The following ERBB4 variants were observed in gnomAD, a reference collection of about 807,000 sequenced individuals.
ERBB4 encodes the protein erb-b2 receptor tyrosine kinase 4.
A neutral mutation model predicts 158.0 loss-of-function variants in ERBB4; 42 were observed. The ratio of observed to expected loss-of-function variants is 0.27; its 90% CI spans 0.21 to 0.34. The LOEUF is 0.34. Among genes scored for constraint, ERBB4 ranks in the 10% least tolerant of loss-of-function variants. ERBB4 has a pLI of 1.00. For missense variants in ERBB4, 1,333 were observed against 1,624.1 expected, an observed-to-expected ratio of 0.82 and a Z score of 3.08; for synonymous variants, 583 against 558.7, an observed-to-expected ratio of 1.04 and a Z score of -0.61.
intron 20 of ERBB4, among the ~76,000 whole-genome samples, chr2:211,466,338 T>C (rs1482969021): frequency 2.2e-4 from 31 of 139,656 alleles, no homozygotes; most frequent in African/African-American, 8.6e-4. Flanking sequence ...TGTAGTTTTT[T>C]TTTTTTTTTT....
chr2:212,183,141 T>C (rs1370057039), intron 1 of ERBB4, among the ~76,000 whole-genome samples: 1 of 151,864 alleles, frequency 6.6e-6, no homozygotes, highest in Non-Finnish European at 1.5e-5. Context: ...AATAAATGTA[T>C]GTATATAATC....
chr2:211,768,703 A>C (rs1230887582), intron 4 of ERBB4, among the ~76,000 whole-genome samples: 3 of 152,140 alleles, frequency 2.0e-5, no homozygotes. Context: ...CAGGGCAGCA[A>C]GTCCTGAGAT....
chr2:212,015,134 C>G (rs1218006686), intron 2 of ERBB4, among the ~76,000 whole-genome samples: 7 of 131,874 alleles, frequency 5.3e-5, no homozygotes, highest in East Asian at 2.1e-4. Context: ...GGCATGGTGG[C>G]GGGTGCCTGT....
At chr2:212,168,918 G>A (rs1048593722) in intron 1 of ERBB4, among the ~76,000 whole-genome samples, 4 of 151,990 alleles carry the variant, frequency 2.6e-5, no homozygotes, top group Non-Finnish European at 5.9e-5. Context: ...TCAAATAGAA[G>A]TACCTAAAGA....
intron 2 of ERBB4, among the ~76,000 whole-genome samples, chr2:212,042,304 T>G (rs369332544): frequency 1.3e-5 from 2 of 152,122 alleles, no homozygotes; most frequent in African/African-American, 4.8e-5. Flanking sequence ...CTTTTTTGTT[T>G]TAAAGATTAA....
intron 1 of ERBB4, among the ~76,000 whole-genome samples, chr2:212,291,757 C>T (rs994244725): frequency 6.6e-6 from 1 of 152,012 alleles, no homozygotes; most frequent in African/African-American, 2.4e-5. Flanking sequence ...AAATTGAATA[C>T]TTAGCCAGAG....
Position 211,906,081 on chromosome 2 carries a change from G to T in ERBB4, c.421+41349C>A, listed in dbSNP as rs141772402. ...CCAGAGAGAGATACATTCGAGAAGT[G>T]TCACAATCTGAAAAGCAGCATATGG... On this transcript the variant is annotated intron_variant, in intron 3 of 27. Transcript: ENST00000342788. Among the ~76,000 whole-genome samples the T allele has an allele frequency of 8.2e-4, 124 of 152,136 alleles. 1 individual carries two copies. Among genetic ancestry groups the T allele is most frequent in the African/African-American group, 2.8e-3 (118 of 41,534 alleles).
At chr2:211,593,526 C>A (rs1360036190) in intron 19 of ERBB4, among the ~76,000 whole-genome samples, 1 of 152,178 alleles carries the variant, frequency 6.6e-6, no homozygotes, top group African/African-American at 2.4e-5. Flanking sequence ...TCCAGTATTT[C>A]TTAAGCTTTT....
Position 212,320,873 on chromosome 2 carries a change from A to ATAT in ERBB4, c.83-195973_83-195971dup, listed in dbSNP as rs559530113. Among the ~76,000 whole-genome samples, 846 of 150,378 alleles carry ATAT rather than the reference A, an allele frequency of 5.6e-3. 13 individuals carry two copies. The highest frequency in any genetic ancestry group is 0.018 in the African/African-American group (724 of 41,350). ...GAAAATTGTAAAGCATGACATCAAT[A>ATAT]TATTATTATTATTACTTGACTCCAA... is the stretch of plus-strand genomic sequence containing the variant. On this transcript the variant is annotated intron_variant, in intron 1 of 27. Transcript: ENST00000342788.
intron 1 of ERBB4, among the ~76,000 whole-genome samples, chr2:212,330,223 TTTTG>T (rs10627399): frequency 1.3e-5 from 2 of 151,554 alleles, no homozygotes; most frequent in African/African-American, 2.4e-5. Flanking sequence ...TATCTGTGTT[TTTTG>T]TTTGTTTGTT....
At chr2:212,284,608 C>T (rs2085888619) in intron 1 of ERBB4, among the ~76,000 whole-genome samples, 3 of 152,046 alleles carry the variant, frequency 2.0e-5, no homozygotes, top group South Asian at 4.1e-4. Flanking sequence ...AAACTTAGCT[C>T]ATGTTTTTGA....
Position 211,977,602 on chromosome 2 carries a change from C to T in ERBB4, c.235-29986G>A, listed in dbSNP as rs151291190. Among the ~76,000 whole-genome samples, 1,323 of 149,130 alleles carry T rather than the reference C, an allele frequency of 8.9e-3. 6 individuals are homozygous for T. Among genetic ancestry groups the T allele is most frequent in the Middle Eastern group, 0.032 (9 of 278 alleles). On this transcript the variant is annotated intron_variant, in intron 2 of 27. Coordinates refer to ENST00000342788, the MANE Select transcript of ERBB4 (RefSeq NM_005235.3). ...CCTGTAATCCTAGCGCTTTGGGAGC[C>T]CAAGGCGGTGAGTCACCTGAGGTCA...
At chr2:212,047,742 C>A (rs1256726144) in intron 2 of ERBB4, among the ~76,000 whole-genome samples, 1 of 151,832 alleles carries the variant, frequency 6.6e-6, no homozygotes, top group Non-Finnish European at 1.5e-5. Context: ...CCTCAGCCTC[C>A]CAAAGTGCTA....
intron 20 of ERBB4, among the ~76,000 whole-genome samples, chr2:211,483,561 G>GT (rs201231492): frequency 0.021 from 3,101 of 147,332 alleles, 102 homozygotes; most frequent in African/African-American, 0.07. Flanking sequence ...TGGTTTTTGT[G>GT]TTTTTTTTGA....
chr2:211,388,983 AGTAAACAGAG>A (rs1484512318), intron 25 of ERBB4, among the ~76,000 whole-genome samples: 1 of 152,218 alleles, frequency 6.6e-6, no homozygotes, highest in Non-Finnish European at 1.5e-5. Flanking sequence ...TCCAGCTTTA[AGTAAACAGAG>A]ATGACTAAAA....
chr2:212,360,184 A>C (rs2106360235), intron 1 of ERBB4, among the ~76,000 whole-genome samples: 1 of 150,022 alleles, frequency 6.7e-6, no homozygotes, highest in Admixed American at 6.6e-5. Flanking sequence ...ACTATTCTTT[A>C]CATCTAATAG....
In ERBB4 at chr2:211,383,673, A is replaced by G; in HGVS notation, c.3869T>C (p.Leu1290Pro). The part of the protein sequence containing the change: ...ENPEYLSEFS[L>P]KPGTVLPPPP... ...AGGCGGCAGCACAGTGCCTGGCTTC[A>G]GGGAGAACTCAGAGAGGTATTCAGG... Residue 1290 changes from leucine to proline, a missense_variant, in exon 28 of 28, where the codon CTG (leucine) becomes CCG (proline). By Grantham distance (98) the Leu-to-Pro change is moderately conservative. This residue lies in a region of ERBB4 where 84 missense variants were observed against 110.8 expected (regional missense o/e 0.76). Transcript: ENST00000342788. 6.2e-7 allele frequency: 1 copy of G among 1,614,024 alleles called. No individual in the cohort carries two copies. The highest frequency in any genetic ancestry group is 8.5e-7 in the Non-Finnish European group (1 of 1,179,974).
chr2:212,140,788 T>C (rs1306091315), intron 1 of ERBB4, among the ~76,000 whole-genome samples: 1 of 151,112 alleles, frequency 6.6e-6, no homozygotes, highest in Non-Finnish European at 1.5e-5. Flanking sequence ...ATCTATAAAG[T>C]TGCTCTATAA....
intron 1 of ERBB4, among the ~76,000 whole-genome samples, chr2:212,258,447 AAC>A (rs2084820298): frequency 6.6e-6 from 1 of 151,720 alleles, no homozygotes; most frequent in Non-Finnish European, 1.5e-5. Context: ...TCAAATGATA[AAC>A]AGTTTACTTT....
Sources: allele counts gnomAD v4.1 joint callset (sites outside exome capture counted in the v4.1 genomes callset), GRCh38; gene constraint gnomAD v4.1.1; regional missense constraint gnomAD v4.1.1; transcripts MANE v1.5; gene names NCBI Gene and HGNC (gene_info 2026-07-23, HGNC 2026-07-21).